Variants in SLC36A1 observed in about 807,000 individuals in gnomAD.
SLC36A1 encodes proton-coupled amino acid transporter 1.
In SLC36A1, 30 loss-of-function variants were observed where a neutral mutation model predicts 47.5. That is an observed-to-expected ratio of 0.63 (90% confidence interval 0.47 to 0.86). The LOEUF (loss-of-function observed/expected upper bound fraction) is 0.86, where lower values mean the gene tolerates loss of function less well. Among genes scored for constraint, SLC36A1 ranks in the 40% least tolerant of loss-of-function variants. SLC36A1 has a pLI of 0.00. For missense variants in SLC36A1, 517 were observed against 606.0 expected, an observed-to-expected ratio of 0.85 and a Z score of 1.54; for synonymous variants, 255 against 249.7, an observed-to-expected ratio of 1.02 and a Z score of -0.20.
At chr5:151,347,172 T>C in the SLC36A1 span, 1 of 1,221,430 alleles carries the variant, frequency 8.2e-7, no homozygotes, top group African/African-American at 1.5e-5. Context: ...TGACTGCACC[T>C]TTTGCAACCT....
chr5:151,474,178 A>AAAAAAAAAAAAAAAAAAAAAGAG (rs776318482), intron 8 of SLC36A1, among the ~76,000 whole-genome samples: 6 of 119,008 alleles, frequency 5.0e-5, no homozygotes, highest in African/African-American at 1.8e-4. Flanking sequence ...AAAAAAAAAA[A>AAAAAAAAAAAAAAAAAAAAAGAG]AGAAATTATC....
intron 9 of SLC36A1, among the ~76,000 whole-genome samples, chr5:151,477,918 A>T (rs534530581): frequency 6.6e-6 from 1 of 152,290 alleles, no homozygotes; most frequent in African/African-American, 2.4e-5. Flanking sequence ...CAGCTGCTGT[A>T]ACTCTTCTGC....
chr5:151,368,018 G>T, the SLC36A1 span, among the ~76,000 whole-genome samples: 10 of 152,194 alleles, frequency 6.6e-5, no homozygotes, highest in Non-Finnish European at 8.8e-5. Flanking sequence ...CATCCAGATG[G>T]AATTCAACCT....
the SLC36A1 span, chr5:151,543,976 T>A: frequency 1.2e-6 from 2 of 1,614,206 alleles, no homozygotes; most frequent in Admixed American, 3.3e-5. Context: ...ATTGGCTTCA[T>A]ATTGAGGTTG....
chr5:151,405,141 C>A, the SLC36A1 span, among the ~76,000 whole-genome samples: 1 of 152,062 alleles, frequency 6.6e-6, no homozygotes, highest in East Asian at 1.9e-4. Context: ...GGTCTTTAAG[C>A]TCTGAAATTA....
the SLC36A1 span, among the ~76,000 whole-genome samples, chr5:151,540,221 TG>T: frequency 3.3e-4 from 50 of 152,296 alleles, no homozygotes; most frequent in South Asian, 8.9e-3. Flanking sequence ...TATATCCCTA[TG>T]GGGGCCAAGG....
chr5:151,520,161 A>T, the SLC36A1 span, among the ~76,000 whole-genome samples: 2 of 152,214 alleles, frequency 1.3e-5, no homozygotes, highest in Non-Finnish European at 2.9e-5. Flanking sequence ...TGATATCCCG[A>T]ATGCCAGGCA....
chr5:151,405,653 C>T, the SLC36A1 span, among the ~76,000 whole-genome samples: 1 of 152,132 alleles, frequency 6.6e-6, no homozygotes, highest in Non-Finnish European at 1.5e-5. Flanking sequence ...AATGCTCTGG[C>T]TTTTCTCATG....
chr5:151,459,272 G>C (rs1019832331), intron 2 of SLC36A1, among the ~76,000 whole-genome samples: 2 of 152,206 alleles, frequency 1.3e-5, no homozygotes, highest in African/African-American at 4.8e-5. Flanking sequence ...ATAATCGGAA[G>C]CTTCCTTTGC....
At chr5:151,423,597 G>A in the SLC36A1 span, among the ~76,000 whole-genome samples, 1 of 152,192 alleles carries the variant, frequency 6.6e-6, no homozygotes, top group African/African-American at 2.4e-5. Flanking sequence ...AAGCTATGGA[G>A]ACAGTAAACA....
At chr5:151,421,075 G>A in the SLC36A1 span, among the ~76,000 whole-genome samples, 19 of 151,502 alleles carry the variant, frequency 1.3e-4, no homozygotes, top group South Asian at 4.2e-4. Context: ...GGGTTTCACC[G>A]TGTTAGCCAG....
chr5:151,545,703 C>G, the SLC36A1 span: 1 of 1,614,130 alleles, frequency 6.2e-7, no homozygotes. Context: ...ACTTCAAGGC[C>G]TCCGGCTCCA....
intron 7 of SLC36A1, among the ~76,000 whole-genome samples, chr5:151,470,417 G>A (rs1183601199): frequency 6.6e-6 from 1 of 152,226 alleles, no homozygotes; most frequent in Non-Finnish European, 1.5e-5. Flanking sequence ...CCAGAGTGAT[G>A]TCTATGCATA....
At chr5:151,485,136 T>C (rs1759350155) in intron 10 of SLC36A1, among the ~76,000 whole-genome samples, 1 of 152,180 alleles carries the variant, frequency 6.6e-6, no homozygotes, top group African/African-American at 2.4e-5. Context: ...TTGGGGGATG[T>C]CACCAACTCT....
At chr5:151,495,317 A>C (rs1361112377), downstream of SLC36A1, among the ~76,000 whole-genome samples, 1 of 152,150 alleles carries the variant, frequency 6.6e-6, no homozygotes, top group Non-Finnish European at 1.5e-5. Flanking sequence ...TCAGTCATCT[A>C]CTTCTTTTGA....
chr5:151,442,570 C>T (rs979624395), intron 1 of SLC36A1, among the ~76,000 whole-genome samples: 4 of 152,120 alleles, frequency 2.6e-5, no homozygotes, highest in Non-Finnish European at 4.4e-5. Flanking sequence ...GCTCATCCTA[C>T]AGAGCTATAG....
chr5:151,361,645 T>C, the SLC36A1 span, among the ~76,000 whole-genome samples: 1 of 152,178 alleles, frequency 6.6e-6, no homozygotes, highest in Non-Finnish European at 1.5e-5. Context: ...ATATTTTGGG[T>C]TTGTCTGGGT....
At chr5:151,442,683 G>T (rs538972379), upstream of SLC36A1, among the ~76,000 whole-genome samples, 1 of 151,992 alleles carries the variant, frequency 6.6e-6, no homozygotes, top group African/African-American at 2.4e-5. Flanking sequence ...TCTACTGTTT[G>T]TACAGTACAA....
chr5:151,369,821 G>A, the SLC36A1 span, among the ~76,000 whole-genome samples: 1 of 150,638 alleles, frequency 6.6e-6, no homozygotes, highest in African/African-American at 2.4e-5. Flanking sequence ...TTGAGACAGA[G>A]TCTCCCTCTG....
Sources: allele counts gnomAD v4.1 joint callset (sites outside exome capture counted in the v4.1 genomes callset), GRCh38; gene constraint gnomAD v4.1.1; transcripts MANE v1.5; gene names NCBI Gene and HGNC (gene_info 2026-07-23, HGNC 2026-07-21).